The following GKAP1 variants were observed in gnomAD, a reference collection of about 807,000 sequenced individuals.
The protein encoded by GKAP1 is G kinase-anchoring protein 1.
Under a neutral mutation model 56.7 loss-of-function variants are expected in GKAP1, and 31 were observed. That is an observed-to-expected ratio of 0.55 (90% CI 0.41 to 0.74). The LOEUF is 0.74. Ranked by LOEUF, GKAP1 falls within the 30% of genes least tolerant of loss-of-function variation. The probability of loss-of-function intolerance (pLI) is 0.00; values close to 1 mark genes in which losing one functional copy is unlikely to be tolerated. For synonymous variants in GKAP1, 151 were observed against 138.6 expected (o/e 1.09, Z -0.63); for missense variants, 364 against 402.3 (o/e 0.90, Z 0.82).
At position 83,795,771 on chromosome 9, in the gene GKAP1, C is replaced by T. The variant is rs890123735; in HGVS notation, c.360+3414G>A. Among the ~76,000 whole-genome samples, 27 of 151,928 alleles carry T rather than the reference C, an allele frequency of 1.8e-4. 1 individual carries two copies. Among genetic ancestry groups the T allele is most frequent in the African/African-American group, 5.8e-4 (24 of 41,380 alleles). On this transcript the variant is annotated intron_variant, in intron 4 of 12. Coordinates refer to ENST00000376371, the MANE Select transcript of GKAP1 (RefSeq NM_025211.4). The stretch of plus-strand genomic sequence containing the variant: ...TTTGCCATATTGCCTAGGCTGGTCT[C>T]GCAAACTCCTGGGCTCAAGTGATCT...
intron 2 of GKAP1, among the ~76,000 whole-genome samples, chr9:83,809,580 G>T (rs1203778475): frequency 6.6e-6 from 1 of 152,204 alleles, no homozygotes; most frequent in Non-Finnish European, 1.5e-5. Context: ...AAGAATGGGG[G>T]AGCCCAAAAT....
At chr9:83,812,194 C>T (rs1289405212) in intron 2 of GKAP1, among the ~76,000 whole-genome samples, 1 of 149,406 alleles carries the variant, frequency 6.7e-6, no homozygotes, top group East Asian at 1.9e-4. Flanking sequence ...TATATATATA[C>T]ACATATATAT....
chr9:83,808,483 G>A (rs986691181), intron 2 of GKAP1, among the ~76,000 whole-genome samples: 66 of 152,190 alleles, frequency 4.3e-4, no homozygotes, highest in African/African-American at 1.5e-3. Context: ...TGTAATCCCA[G>A]CTACTCCAGA....
At chr9:83,807,003 C>T (rs1265743861) in intron 2 of GKAP1, among the ~76,000 whole-genome samples, 1 of 152,194 alleles carries the variant, frequency 6.6e-6, no homozygotes, top group Non-Finnish European at 1.5e-5. Context: ...GAATACCACT[C>T]TTATCATATA....
At chr9:83,774,928 C>A (rs1199218104) in intron 7 of GKAP1, among the ~76,000 whole-genome samples, 1 of 151,114 alleles carries the variant, frequency 6.6e-6, no homozygotes. Flanking sequence ...AGGACGGTCT[C>A]GATCTCTTGA....
chr9:83,747,373 CA>C (rs1437608663), intron 10 of GKAP1, among the ~76,000 whole-genome samples: 4 of 151,874 alleles, frequency 2.6e-5, no homozygotes, highest in African/African-American at 9.7e-5. Context: ...AGAGTAGCAG[CA>C]AAAGTATGAA....
Position 83,741,971 on chromosome 9 carries a change from G to A in GKAP1, c.1034C>T (p.Ala345Val), listed in dbSNP as rs1587683758. Reference protein sequence around the residue: ...QERSKVKVLQAELAKYQGGRK... With the variant: ...QERSKVKVLQVELAKYQGGRK... ...GCATACCTGGTATTTGGCTAACTCT[G>A]CTTGTAATACTTTCACTTTAGATCT... The change falls in exon 12 of 13, where the codon GCA (alanine) becomes GTA (valine). Residue 345 changes from alanine to valine, a missense_variant. Ala to Val is a moderately conservative substitution (Grantham distance 64). Coordinates refer to ENST00000376371, the MANE Select transcript of GKAP1 (RefSeq NM_025211.4). 6.3e-7 allele frequency: 1 copy of A among 1,591,814 alleles called. No individual in the cohort carries two copies. Among genetic ancestry groups the A allele is most frequent in the Admixed American group, 1.8e-5 (1 of 56,076 alleles).
At position 83,768,617 on chromosome 9, in the gene GKAP1, A is replaced by G. The variant is rs999463307; in HGVS notation, c.738+201T>C. Among the ~76,000 whole-genome samples, 22 of 152,214 alleles carry G rather than the reference A, an allele frequency of 1.4e-4. No homozygotes were observed. In the East Asian group the frequency reaches 2.7e-3, roughly 19 times the overall value. ...TATGGCACATGCTCAGCAAATAGTCATCAATGAATGAACTAGTCATACAGT... is the reference window on the plus strand; with the variant it reads ...TATGGCACATGCTCAGCAAATAGTCGTCAATGAATGAACTAGTCATACAGT... On this transcript the variant is annotated intron_variant, in intron 8 of 12. Coordinates refer to ENST00000376371, the MANE Select transcript of GKAP1 (RefSeq NM_025211.4).
At chr9:83,745,557 CCA>C (rs1470521561) in intron 10 of GKAP1, among the ~76,000 whole-genome samples, 2 of 152,132 alleles carry the variant, frequency 1.3e-5, no homozygotes, top group African/African-American at 2.4e-5. Context: ...TTCTCAATTT[CCA>C]CAGTGTTTTA....
chr9:83,804,356 A>C (rs1257884759), intron 3 of GKAP1, among the ~76,000 whole-genome samples: 2 of 100,970 alleles, frequency 2.0e-5, no homozygotes, highest in Non-Finnish European at 2.0e-5. Flanking sequence ...TGGGGGGGTC[A>C]GCCCCCCGCC....
At chr9:83,756,582 G>A (rs1273335878) in intron 8 of GKAP1, among the ~76,000 whole-genome samples, 2 of 151,612 alleles carry the variant, frequency 1.3e-5, no homozygotes, top group East Asian at 3.9e-4. Context: ...CTACATTAAT[G>A]AGGGAAAAAG....
In GKAP1 at chr9:83,807,158, G is replaced by C. The variant is rs113879780; in HGVS notation, c.-43-598C>G. Reference sequence around the variant, plus strand: ...GTTCACTAGTTTCCATGCAAGCATAGGTCAGTGTAGCTTCATTCCATGTGC... The same window carrying C: ...GTTCACTAGTTTCCATGCAAGCATACGTCAGTGTAGCTTCATTCCATGTGC... On this transcript the variant is annotated intron_variant, in intron 2 of 12. Coordinates refer to ENST00000376371, the MANE Select transcript of GKAP1 (RefSeq NM_025211.4). Among the ~76,000 whole-genome samples the C allele has an allele frequency of 6.6e-5, 10 of 152,290 alleles. 1 individual carries two copies. The highest frequency in any genetic ancestry group is 2.4e-4 in the African/African-American group (10 of 41,564).
intron 7 of GKAP1, among the ~76,000 whole-genome samples, chr9:83,776,674 A>G (rs753742836): frequency 2.0e-5 from 3 of 152,314 alleles, no homozygotes; most frequent in Admixed American, 6.5e-5. Flanking sequence ...GCGAGACTCC[A>G]TCTCAGAAAG....
intron 7 of GKAP1, among the ~76,000 whole-genome samples, chr9:83,770,208 G>A (rs1943733870): frequency 1.3e-5 from 2 of 152,046 alleles, no homozygotes; most frequent in Non-Finnish European, 2.9e-5. Flanking sequence ...ATTTGATGAA[G>A]TCCAATTTTA....
intron 6 of GKAP1, among the ~76,000 whole-genome samples, chr9:83,780,959 T>C (rs1943961737): frequency 6.6e-6 from 1 of 152,100 alleles, no homozygotes; most frequent in Non-Finnish European, 1.5e-5. Flanking sequence ...ACATAAAAAA[T>C]AACCCATAAC....
chr9:83,796,291 C>T (rs1173063407), intron 4 of GKAP1, among the ~76,000 whole-genome samples: 1 of 152,032 alleles, frequency 6.6e-6, no homozygotes, highest in Non-Finnish European at 1.5e-5. Flanking sequence ...ATTAATTATG[C>T]CTCTGTTGGA....
chr9:83,802,372 G>A (rs990272582), intron 3 of GKAP1, among the ~76,000 whole-genome samples: 9 of 122,548 alleles, frequency 7.3e-5, no homozygotes, highest in African/African-American at 2.1e-4. Flanking sequence ...CCAGCTACTC[G>A]AGAGGCTGAG....
chr9:83,805,328 G>A (rs1409089042), intron 3 of GKAP1, among the ~76,000 whole-genome samples: 3 of 152,050 alleles, frequency 2.0e-5, no homozygotes, highest in East Asian at 3.8e-4. Flanking sequence ...CACAAACACT[G>A]CGGAAGGCCG....
At chr9:83,753,755 T>A (rs1943432112) in intron 8 of GKAP1, among the ~76,000 whole-genome samples, 1 of 151,984 alleles carries the variant, frequency 6.6e-6, no homozygotes, top group African/African-American at 2.4e-5. Flanking sequence ...GTATTAGCAA[T>A]TAACAGGTAG....
Sources: gnomAD v4.1 joint callset for allele counts (sites outside exome capture counted in the v4.1 genomes callset) on GRCh38, gnomAD v4.1.1 for gene constraint, MANE v1.5 for transcripts, NCBI Gene and HGNC (gene_info 2026-07-23, HGNC 2026-07-21) for gene names.